IL22: variants seen among roughly 807,000 people sequenced by gnomAD.
The protein encoded by IL22 is interleukin 22.
A neutral mutation model predicts 15.5 loss-of-function variants in IL22; 15 were observed. The observed-to-expected ratio is 0.97, with a 90% confidence interval of 0.65 to 1.49. The LOEUF is 1.49. IL22 is among the 40% of genes most tolerant of loss of function. The pLI, the probability that IL22 is intolerant of heterozygous loss-of-function variation, is 0.00. For missense variants in IL22, 225 were observed against 215.4 expected, an observed-to-expected ratio of 1.04 and a Z score of -0.28; for synonymous variants, 91 against 82.0, an observed-to-expected ratio of 1.11 and a Z score of -0.60.
chr12:68,248,708 CT>C lies in IL22; in HGVS notation c.*90del. On this transcript the variant is annotated 3_prime_UTR_variant, in exon 6 of 6. Coordinates refer to ENST00000538666, the MANE Select transcript of IL22 (RefSeq NM_020525.5). The stretch of plus-strand genomic sequence containing the variant: ...TGATGGAGTTTGGCTTCCCATCTTC[CT>C]TTTGGTTAAAAAAAATCGCTTTGGG... 1.0e-6 allele frequency: 1 copy of C among 1,000,810 alleles called. No individual in the cohort carries two copies. Among genetic ancestry groups the C allele is most frequent in the South Asian group, 1.5e-5 (1 of 67,486 alleles). The allele number at this position is 1,000,810 out of a possible 1,614,324, so 62.0% of individuals were successfully genotyped here.
chr12:68,252,857 T>G (rs1195398912), intron 2 of IL22, 28 bp from the exon 3 acceptor site: 2 of 1,602,946 alleles, frequency 1.2e-6, no homozygotes, highest in Non-Finnish European at 1.7e-6. Context: ...ACTAAGGGTC[T>G]GGACATTGAG....
At chr12:68,252,732 A>T in intron 3 of IL22, 32 bp downstream of exon 3, 1 of 1,612,512 alleles carries the variant, frequency 6.2e-7, no homozygotes, top group South Asian at 1.1e-5. Flanking sequence ...CATGGACGGC[A>T]CACGGCCCTG....
chr12:68,252,846 G>A lies in IL22; in HGVS notation c.187-17C>T, dbSNP rs959598397. 2 of 1,611,360 alleles carry A rather than the reference G, an allele frequency of 1.2e-6. No individual in the cohort carries two copies. The highest frequency in any genetic ancestry group is 1.7e-5 in the Admixed American group (1 of 59,972). The stretch of plus-strand genomic sequence containing the variant: ...CAAGCTAGCCTGGAAGAGAAGAAAA[G>A]ACTAAGGGTCTGGACATTGAGCAAA... On this transcript the variant is annotated splice_polypyrimidine_tract_variant and intron_variant, in intron 2 of 5. Coordinates refer to ENST00000538666, the MANE Select transcript of IL22 (RefSeq NM_020525.5).
intron 2 of IL22, 109 bp from the exon 3 acceptor site, chr12:68,252,938 A>G (rs566971450): frequency 1.2e-6 from 1 of 839,984 alleles, no homozygotes; most frequent in East Asian, 2.5e-5. Context: ...CATAAAGACT[A>G]AAAGCAGAAT....
chr12:68,250,892 C>A (rs551346246), intron 5 of IL22, among the ~76,000 whole-genome samples: 1 of 152,092 alleles, frequency 6.6e-6, no homozygotes, highest in South Asian at 2.1e-4. Context: ...TAAAAGAGAT[C>A]GGGGTTGTCT....
In IL22 at chr12:68,248,766, G is replaced by T; in HGVS notation, c.*33C>A. 1 of 1,542,362 alleles carries T rather than the reference G, an allele frequency of 6.5e-7. No individual in the cohort carries two copies. Among genetic ancestry groups the T allele is most frequent in the South Asian group, 1.1e-5 (1 of 87,624 alleles). On this transcript the variant is annotated 3_prime_UTR_variant, in exon 6 of 6. Transcript: ENST00000538666. ...AATTGTTATTTCTAGCAGGGAAAGG[G>T]GGTTAGTTATTCATTTTTCAGCTTT...
At chr12:68,250,945 G>A (rs1403794563) in intron 5 of IL22, among the ~76,000 whole-genome samples, 2 of 152,126 alleles carry the variant, frequency 1.3e-5, no homozygotes, top group South Asian at 2.1e-4. Flanking sequence ...TAGATATTAT[G>A]ATAATTCAAA....
intron 5 of IL22, among the ~76,000 whole-genome samples, chr12:68,250,310 G>A (rs1490280031): frequency 1.3e-5 from 2 of 152,194 alleles, no homozygotes; most frequent in Non-Finnish European, 2.9e-5. Flanking sequence ...GATGTGTAAA[G>A]CATGCCTTGT....
chr12:68,250,792 A>C (rs1592913547), intron 5 of IL22, among the ~76,000 whole-genome samples: 1 of 152,300 alleles, frequency 6.6e-6, no homozygotes, highest in African/African-American at 2.4e-5. Flanking sequence ...TCTTGATGGG[A>C]GAGAGGAAGA....
rs368033050 is a variant in IL22 at position 68,253,585 on chromosome 12, G to A, written c.-49C>T. 70 of 579,682 alleles carry A rather than the reference G, an allele frequency of 1.2e-4. 2 individuals are homozygous for A. The South Asian group carries it at 2.2e-3, about 18-fold the overall frequency. 35.9% of individuals were successfully genotyped at this position (579,682 alleles called of 1,614,324 possible). The stretch of plus-strand genomic sequence containing the variant: ...ACCAAGTTTGCCGAAACGCTTACCT[G>A]TTCTGAAGATTCTGCTTGTGACGGG... On this transcript the variant is annotated splice_region_variant and 5_prime_UTR_variant, in exon 1 of 6. Coordinates refer to ENST00000538666, the MANE Select transcript of IL22 (RefSeq NM_020525.5).
At chr12:68,252,478 G>T in intron 4 of IL22, 26 bp downstream of exon 4, 1 of 1,611,676 alleles carries the variant, frequency 6.2e-7, no homozygotes, top group South Asian at 1.1e-5. Context: ...AGGGGTAGGT[G>T]GGCATAGGCT....
In IL22 at chr12:68,252,479, G is replaced by A. The variant is rs762821607; in HGVS notation, c.396+25C>T. The A allele has an allele frequency of 2.5e-6, 4 of 1,612,280 alleles. No individual in the cohort carries two copies. The Admixed American group carries it at 5.0e-5, about 20-fold the overall frequency. ...GGAAGGAGGGAAGGAGGGGTAGGTG[G>A]GCATAGGCTGAGAGCTGAACTTACA... On this transcript the variant is annotated intron_variant, in intron 4 of 5. Transcript: ENST00000538666.
At chr12:68,253,230 T>C (rs1353145538) in intron 2 of IL22, 33 bp downstream of exon 2, 2 of 1,570,750 alleles carry the variant, frequency 1.3e-6, no homozygotes, top group African/African-American at 2.7e-5. Context: ...TCCAAGTAGA[T>C]CCAACGAGAA....
rs761162880 is a variant in IL22 at position 68,253,405 on chromosome 12, G to T, written c.44C>A (p.Thr15Asn). Residue 15 changes from threonine (T) to asparagine (N), a missense_variant, in exon 2 of 6, where the codon ACC becomes AAC. Transcript: ENST00000538666. ...GAGAAGGAGGCAGCTGGTGGCCAGG[G>T]TCCCCATAAGGAAAGAGCTCACAGA... ...QKSVSSFLMG[T>N]LATSCLLLLA... The T allele has an allele frequency of 3.1e-6, 5 of 1,611,320 alleles. No individual in the cohort carries two copies. The African/African-American group carries it at 4.0e-5, about 13-fold the overall frequency.
chr12:68,251,454 G>GA, intron 5 of IL22, 59 bp downstream of exon 5: 1 of 1,280,720 alleles, frequency 7.8e-7, no homozygotes, highest in South Asian at 1.2e-5. Flanking sequence ...AGAAAGGAAA[G>GA]AAAAACAACA....
intron 4 of IL22, 33 bp downstream of exon 4, chr12:68,252,471 G>A (rs1374885850): frequency 5.0e-6 from 8 of 1,610,294 alleles, no homozygotes; most frequent in Non-Finnish European, 6.8e-6. Context: ...GGGAAGGAGG[G>A]GTAGGTGGGC....
chr12:68,252,394 T>G, intron 4 of IL22, 110 bp downstream of exon 4: 2 of 1,110,082 alleles, frequency 1.8e-6, no homozygotes, highest in Non-Finnish European at 2.7e-6. Flanking sequence ...CCAAGACACT[T>G]CTTCCTGCTA....
Position 68,248,857 on chromosome 12 carries a change from A to ATCTCTCCAC in IL22, c.473_481dup (p.Ser158_Glu160dup). Reference sequence around the variant, plus strand: ...CAAATCCAGTTCTCCAATTGCTTTGATCTCTCCACTCTCTCCAAGCTGTGA... The same window carrying ATCTCTCCAC: ...CAAATCCAGTTCTCCAATTGCTTTGATCTCTCCACTCTCTCCACTCTCTCCAAGCTGTGA... On this transcript the variant is annotated inframe_insertion, in exon 6 of 6. Transcript: ENST00000538666. The ATCTCTCCAC allele has an allele frequency of 6.2e-7, 1 of 1,612,862 alleles. No individual in the cohort carries two copies. The highest frequency in any genetic ancestry group is 8.5e-7 in the Non-Finnish European group (1 of 1,179,208).
At chr12:68,249,473 C>T (rs1400822213) in intron 5 of IL22, among the ~76,000 whole-genome samples, 1 of 152,210 alleles carries the variant, frequency 6.6e-6, no homozygotes, top group African/African-American at 2.4e-5. Flanking sequence ...TGATTGGACA[C>T]TCCTGATTTA....
Sources: allele counts gnomAD v4.1 joint callset (sites outside exome capture counted in the v4.1 genomes callset), GRCh38; gene constraint gnomAD v4.1.1; transcripts MANE v1.5; gene names NCBI Gene and HGNC (gene_info 2026-07-23, HGNC 2026-07-21).